FNDC3A: variants seen among roughly 807,000 people sequenced by gnomAD.
FNDC3A encodes fibronectin type III domain containing 3A.
Under a neutral mutation model 148.9 loss-of-function variants are expected in FNDC3A, and 32 were observed. The ratio of observed to expected loss-of-function variants is 0.21; its 90% CI spans 0.16 to 0.29. The LOEUF is 0.29. Among genes scored for constraint, FNDC3A ranks in the 10% least tolerant of loss-of-function variants. The pLI is 1.00. For missense variants in FNDC3A, 1,191 were observed against 1,452.8 expected, an observed-to-expected ratio of 0.82 and a Z score of 2.93; for synonymous variants, 472 against 473.6, an observed-to-expected ratio of 1.00 and a Z score of 0.04.
chr13:49,064,257 C>T (rs908624021), intron 2 of FNDC3A, among the ~76,000 whole-genome samples: 1 of 152,086 alleles, frequency 6.6e-6, no homozygotes, highest in African/African-American at 2.4e-5. Flanking sequence ...AGGAGAATCG[C>T]TTGAACCTGG....
At chr13:49,033,646 A>G (rs1239928325) in intron 2 of FNDC3A, among the ~76,000 whole-genome samples, 1 of 151,972 alleles carries the variant, frequency 6.6e-6, no homozygotes, top group Non-Finnish European at 1.5e-5. Context: ...ATGAAAAAAA[A>G]TCAGAGAATG....
chr13:49,147,737 G>GA (rs1555297562), intron 8 of FNDC3A, among the ~76,000 whole-genome samples: 2 of 152,032 alleles, frequency 1.3e-5, no homozygotes, highest in Non-Finnish European at 2.9e-5. Flanking sequence ...CCCCTATTTG[G>GA]AAAAATACCC....
intron 1 of FNDC3A, among the ~76,000 whole-genome samples, chr13:48,995,860 C>A (rs1952014251): frequency 6.6e-6 from 1 of 152,080 alleles, no homozygotes; most frequent in Admixed American, 6.5e-5. Flanking sequence ...AGAGTGATTC[C>A]CATGAGTTTC....
chr13:49,080,541 G>C (rs574966646), intron 3 of FNDC3A, among the ~76,000 whole-genome samples: 2 of 152,276 alleles, frequency 1.3e-5, no homozygotes, highest in African/African-American at 4.8e-5. Context: ...GAAGTGCTTT[G>C]ATAGCATGTC....
At chr13:49,103,720 T>C (rs1398658160) in intron 3 of FNDC3A, among the ~76,000 whole-genome samples, 1 of 152,172 alleles carries the variant, frequency 6.6e-6, no homozygotes, top group Non-Finnish European at 1.5e-5. Flanking sequence ...ATAGATGATG[T>C]GGAAATTGAG....
chr13:49,158,240 C>A (rs1471599159), intron 8 of FNDC3A, among the ~76,000 whole-genome samples: 1 of 152,174 alleles, frequency 6.6e-6, no homozygotes, highest in Admixed American at 6.5e-5. Flanking sequence ...GTTTTTTAAG[C>A]CGGTCGGAGA....
intron 2 of FNDC3A, among the ~76,000 whole-genome samples, chr13:49,018,913 G>GGGGGGTC (rs1873059310): frequency 6.6e-6 from 1 of 151,752 alleles, no homozygotes; most frequent in South Asian, 2.1e-4. Flanking sequence ...TGGGCTGCTT[G>GGGGGGTC]GGGGGTCAGG....
chr13:49,091,241 C>A (rs1320574808), intron 3 of FNDC3A, among the ~76,000 whole-genome samples: 1 of 145,418 alleles, frequency 6.9e-6, no homozygotes, highest in East Asian at 2.0e-4. Context: ...ACAAGGCATA[C>A]AAAGAAACAG....
chr13:49,117,387 T>C (rs1249384071), intron 4 of FNDC3A, among the ~76,000 whole-genome samples: 1 of 152,234 alleles, frequency 6.6e-6, no homozygotes, highest in Non-Finnish European at 1.5e-5. Context: ...ACATGCTTAC[T>C]TGGTGTTTCC....
chr13:49,178,889 C>T (rs2138073001), intron 14 of FNDC3A, among the ~76,000 whole-genome samples: 1 of 152,254 alleles, frequency 6.6e-6, no homozygotes, highest in Admixed American at 6.5e-5. Context: ...CATGCCACCA[C>T]ACCTGGCTAA....
At chr13:49,073,757 AAT>A (rs888463815) in intron 2 of FNDC3A, among the ~76,000 whole-genome samples, 99 of 134,744 alleles carry the variant, frequency 7.3e-4, no homozygotes, top group South Asian at 2.0e-3. Context: ...GTGTATATAT[AAT>A]ATATATGTAT....
intron 2 of FNDC3A, among the ~76,000 whole-genome samples, chr13:49,012,354 C>G (rs979226297): frequency 2.0e-5 from 3 of 152,104 alleles, no homozygotes; most frequent in Non-Finnish European, 2.9e-5. Context: ...ACCTCGTGAT[C>G]TGCCCGCCTC....
chr13:49,186,183 A>G (rs1885559336), intron 15 of FNDC3A, 81 bp downstream of exon 15: 1 of 1,172,726 alleles, frequency 8.5e-7, no homozygotes, highest in African/African-American at 1.6e-5. Flanking sequence ...TTTTTAAGAT[A>G]TTTGAGTAAA....
chr13:49,174,363 A>G, intron 11 of FNDC3A, 72 bp from the exon 12 acceptor site: 1 of 1,297,932 alleles, frequency 7.7e-7, no homozygotes, highest in Non-Finnish European at 1.1e-6. Context: ...GTAACTGTCA[A>G]GAAGGAATTG....
At chr13:49,002,798 A>C (rs151191948) in intron 1 of FNDC3A, among the ~76,000 whole-genome samples, 98 of 152,372 alleles carry the variant, frequency 6.4e-4, no homozygotes, top group African/African-American at 2.0e-3. Context: ...TCATTGCTGC[A>C]TATAGTCCAT....
chr13:49,005,533 G>A (rs1197519316), intron 1 of FNDC3A, among the ~76,000 whole-genome samples: 1 of 151,686 alleles, frequency 6.6e-6, no homozygotes, highest in East Asian at 1.9e-4. Flanking sequence ...ATTGTAAATA[G>A]GTATCACTTA....
At chr13:49,011,922 T>C (rs1262901935) in intron 2 of FNDC3A, among the ~76,000 whole-genome samples, 2 of 152,136 alleles carry the variant, frequency 1.3e-5, no homozygotes, top group African/African-American at 2.4e-5. Flanking sequence ...TCTACTGGAG[T>C]TGATTTTTGT....
chr13:49,069,683 T>C lies in FNDC3A; in HGVS notation c.100-5606T>C, dbSNP rs1310319147. Among the ~76,000 whole-genome samples the C allele has an allele frequency of 2.0e-5, 3 of 152,296 alleles. No individual in the cohort carries two copies. The East Asian group carries it at 5.8e-4, about 29-fold the overall frequency. ...ACAGACTAATTTACATACTCAATCTTCAGTGGTTTGATAGCATTTTACTGC... is the reference window on the plus strand; with the variant it reads ...ACAGACTAATTTACATACTCAATCTCCAGTGGTTTGATAGCATTTTACTGC... On this transcript the variant is annotated intron_variant, in intron 2 of 25. Coordinates refer to ENST00000492622, the MANE Select transcript of FNDC3A (RefSeq NM_001079673.2).
intron 3 of FNDC3A, among the ~76,000 whole-genome samples, chr13:49,078,055 AATACTGT>A (rs1486153135): frequency 6.6e-6 from 1 of 152,222 alleles, no homozygotes; most frequent in African/African-American, 2.4e-5. Flanking sequence ...GTTTTCAATA[AATACTGT>A]TTATGGTGGG....
Sources: gnomAD v4.1 joint callset for allele counts (sites outside exome capture counted in the v4.1 genomes callset) on GRCh38, gnomAD v4.1.1 for gene constraint, MANE v1.5 for transcripts, NCBI Gene and HGNC (gene_info 2026-07-23, HGNC 2026-07-21) for gene names.